The following LINGO2 variants were observed in gnomAD, a reference collection of about 807,000 sequenced individuals.
LINGO2 encodes the protein leucine rich repeat and Ig domain containing 2, also known as leucine-rich repeat and immunoglobulin-like domain-containing nogo receptor-interacting protein 2.
LINGO2 carries 14 observed loss-of-function variants against 30.6 expected under a neutral mutation model. The ratio of observed to expected loss-of-function variants is 0.46; its 90% CI spans 0.30 to 0.72. The LOEUF (loss-of-function observed/expected upper bound fraction) is 0.72, where lower values mean the gene tolerates loss of function less well. Among genes scored for constraint, LINGO2 ranks in the 30% least tolerant of loss-of-function variants. The pLI, the probability that LINGO2 is intolerant of heterozygous loss-of-function variation, is 0.07. For synonymous variants in LINGO2, 317 were observed against 288.5 expected, an observed-to-expected ratio of 1.10 and a Z score of -1.00; for missense variants, 729 against 751.7, an observed-to-expected ratio of 0.97 and a Z score of 0.35.
At chr9:28,527,559 GTC>G (rs1260210633) in intron 1 of LINGO2, among the ~76,000 whole-genome samples, 2 of 151,980 alleles carry the variant, frequency 1.3e-5, no homozygotes, top group African/African-American at 4.8e-5. Flanking sequence ...TCTATTCTCT[GTC>G]TCTCTAAGTG....
intron 3 of LINGO2, among the ~76,000 whole-genome samples, chr9:28,300,385 G>C (rs756039295): frequency 1.3e-5 from 2 of 152,134 alleles, no homozygotes; most frequent in Non-Finnish European, 2.9e-5. Context: ...ATCAATCACT[G>C]AGAACGCAGG....
At chr9:29,045,279 C>A in the LINGO2 span, among the ~76,000 whole-genome samples, 2 of 151,962 alleles carry the variant, frequency 1.3e-5, no homozygotes, top group African/African-American at 4.8e-5. Flanking sequence ...TTTCAGACCG[C>A]AATTGGCCAC....
intron 5 of LINGO2, among the ~76,000 whole-genome samples, chr9:28,012,049 C>T (rs1181854413): frequency 6.6e-6 from 1 of 152,086 alleles, no homozygotes; most frequent in Non-Finnish European, 1.5e-5. Context: ...GTTCTTCTGC[C>T]AGCTTTGTGT....
chr9:28,595,633 G>C (rs1825138034), intron 1 of LINGO2, among the ~76,000 whole-genome samples: 1 of 151,968 alleles, frequency 6.6e-6, no homozygotes, highest in Non-Finnish European at 1.5e-5. Context: ...AAGTGAACAG[G>C]ATTTTTCTTC....
At chr9:28,059,306 T>C (rs1423193451) in intron 4 of LINGO2, among the ~76,000 whole-genome samples, 1 of 152,152 alleles carries the variant, frequency 6.6e-6, no homozygotes, top group East Asian at 1.9e-4. Flanking sequence ...ATAAATAGCA[T>C]GTGCTCCCAG....
chr9:29,100,567 C>T, the LINGO2 span, among the ~76,000 whole-genome samples: 1 of 150,530 alleles, frequency 6.6e-6, no homozygotes, highest in African/African-American at 2.5e-5. Flanking sequence ...GCCCTACAGC[C>T]TGGGCAACAG....
intron 2 of LINGO2, among the ~76,000 whole-genome samples, chr9:28,454,445 G>A (rs1824764987): frequency 6.6e-6 from 1 of 151,956 alleles, no homozygotes; most frequent in Non-Finnish European, 1.5e-5. Context: ...GCAGAATAAT[G>A]TATTTAAAAG....
chr9:28,550,306 T>C (rs1354052277), intron 1 of LINGO2, among the ~76,000 whole-genome samples: 3 of 151,874 alleles, frequency 2.0e-5, no homozygotes, highest in Non-Finnish European at 4.4e-5. Flanking sequence ...CATATGTTTT[T>C]CCCTTTTTGT....
chr9:28,480,481 T>C (rs572223030), intron 1 of LINGO2, among the ~76,000 whole-genome samples: 3 of 152,182 alleles, frequency 2.0e-5, no homozygotes, highest in African/African-American at 7.2e-5. Flanking sequence ...AAATGACAAT[T>C]GTTTAGGTAA....
At chr9:28,510,101 A>G (rs1820310503) in intron 1 of LINGO2, among the ~76,000 whole-genome samples, 1 of 152,210 alleles carries the variant, frequency 6.6e-6, no homozygotes, top group African/African-American at 2.4e-5. Context: ...GAAATGTGAA[A>G]AAGTTAAATA....
chr9:28,989,872 C>A, the LINGO2 span, among the ~76,000 whole-genome samples: 1 of 152,100 alleles, frequency 6.6e-6, no homozygotes, highest in Non-Finnish European at 1.5e-5. Flanking sequence ...GAGATGACCA[C>A]GACGACCTTA....
chr9:28,812,782 T>G, the LINGO2 span, among the ~76,000 whole-genome samples: 1 of 152,138 alleles, frequency 6.6e-6, no homozygotes, highest in African/African-American at 2.4e-5. Flanking sequence ...ATGGTCTTAA[T>G]AGCTGAGATC....
At chr9:28,082,395 T>C (rs1223787844) in intron 4 of LINGO2, among the ~76,000 whole-genome samples, 1 of 152,172 alleles carries the variant, frequency 6.6e-6, no homozygotes, top group East Asian at 1.9e-4. Flanking sequence ...AATCATGCTG[T>C]TGGTTGTGTG....
At chr9:28,525,657 A>G (rs1587805729) in intron 1 of LINGO2, among the ~76,000 whole-genome samples, 2 of 152,256 alleles carry the variant, frequency 1.3e-5, no homozygotes. Flanking sequence ...TCTAAGTGGG[A>G]GTGTATGTGA....
At chr9:28,198,259 AAC>A (rs1491306759) in intron 4 of LINGO2, among the ~76,000 whole-genome samples, 1 of 151,876 alleles carries the variant, frequency 6.6e-6, no homozygotes, top group Non-Finnish European at 1.5e-5. Context: ...GAAAAAAAAA[AAC>A]AAACTCTAAA....
At chr9:28,629,149 G>T (rs1826818986) in intron 1 of LINGO2, among the ~76,000 whole-genome samples, 1 of 152,036 alleles carries the variant, frequency 6.6e-6, no homozygotes, top group Admixed American at 6.6e-5. Flanking sequence ...TGGAGTATGG[G>T]TGGCAATGCT....
At chr9:29,183,411 C>G in the LINGO2 span, among the ~76,000 whole-genome samples, 9 of 152,162 alleles carry the variant, frequency 5.9e-5, no homozygotes, top group Admixed American at 1.3e-4. Flanking sequence ...GTGCCAGTAA[C>G]ATTCCCCAGC....
the LINGO2 span, among the ~76,000 whole-genome samples, chr9:28,838,863 G>A: frequency 6.6e-6 from 1 of 152,204 alleles, no homozygotes; most frequent in Non-Finnish European, 1.5e-5. Flanking sequence ...GAGCAGCAAG[G>A]TGTGCATGAG....
intron 4 of LINGO2, among the ~76,000 whole-genome samples, chr9:28,050,167 A>T (rs994067588): frequency 6.6e-6 from 1 of 150,604 alleles, no homozygotes; most frequent in Non-Finnish European, 1.5e-5. Flanking sequence ...GAAGCAACTA[A>T]AATTCTGAAT....
Sources: allele counts gnomAD v4.1 joint callset (sites outside exome capture counted in the v4.1 genomes callset), GRCh38; gene constraint gnomAD v4.1.1; transcripts MANE v1.5; gene names NCBI Gene and HGNC (gene_info 2026-07-23, HGNC 2026-07-21).